Variants in SLC10A7 observed in about 807,000 individuals in gnomAD.
SLC10A7 encodes sodium/bile acid cotransporter 7.
SLC10A7 carries 29 observed loss-of-function variants against 43.2 expected under a neutral mutation model. That is an observed-to-expected ratio of 0.67 (90% CI 0.50 to 0.92). The LOEUF (loss-of-function observed/expected upper bound fraction) is 0.92. Among genes scored for constraint, SLC10A7 ranks in the 40% least tolerant of loss-of-function variants. The probability of loss-of-function intolerance (pLI) is 0.00; values close to 1 mark genes in which losing one functional copy is unlikely to be tolerated. For missense variants in SLC10A7, 295 were observed against 403.2 expected (o/e 0.73, Z 2.30); for synonymous variants, 152 against 144.8 (o/e 1.05, Z -0.35).
intron 4 of SLC10A7, among the ~76,000 whole-genome samples, chr4:146,488,435 T>A (rs902202023): frequency 3.9e-5 from 6 of 152,160 alleles, no homozygotes; most frequent in Non-Finnish European, 8.8e-5. Context: ...AATGTGCAAA[T>A]CATTTTTCCC....
chr4:146,518,906 T>C (rs1019693890), intron 1 of SLC10A7, among the ~76,000 whole-genome samples: 35 of 151,194 alleles, frequency 2.3e-4, no homozygotes, highest in African/African-American at 8.3e-4. Flanking sequence ...ATTTCTGTTG[T>C]ACTGAGCCAC....
At chr4:146,452,547 A>C (rs1040753368) in intron 4 of SLC10A7, among the ~76,000 whole-genome samples, 3 of 152,120 alleles carry the variant, frequency 2.0e-5, no homozygotes, top group African/African-American at 7.2e-5. Flanking sequence ...CTTCTTTCAA[A>C]GCCAATTATG....
chr4:146,482,000 T>C lies in SLC10A7; in HGVS notation c.396+21849A>G, dbSNP rs1398715353. Among the ~76,000 whole-genome samples, 8 of 152,320 alleles carry C rather than the reference T, an allele frequency of 5.3e-5. No homozygotes were observed. In the East Asian group the frequency reaches 1.2e-3, roughly 22 times the overall value. On this transcript the variant is annotated intron_variant, in intron 4 of 11. Transcript: ENST00000335472. Reference sequence around the variant, plus strand: ...CCACAGAGGCACCCACAGTCATTACTAATACTGATCACAACTAAAGAAGCT... The same window carrying C: ...CCACAGAGGCACCCACAGTCATTACCAATACTGATCACAACTAAAGAAGCT...
At chr4:146,333,809 G>A (rs571453795) in intron 5 of SLC10A7, among the ~76,000 whole-genome samples, 1 of 151,980 alleles carries the variant, frequency 6.6e-6, no homozygotes, top group South Asian at 2.1e-4. Flanking sequence ...AGTGCTCTCT[G>A]TGGTTAGGTA....
intron 4 of SLC10A7, among the ~76,000 whole-genome samples, chr4:146,468,541 C>T (rs974753379): frequency 6.7e-6 from 1 of 150,132 alleles, no homozygotes; most frequent in Non-Finnish European, 1.5e-5. Flanking sequence ...ACAATCTCAG[C>T]TCACTGCAAC....
intron 6 of SLC10A7, among the ~76,000 whole-genome samples, chr4:146,311,053 G>A (rs1731944583): frequency 6.6e-6 from 1 of 152,026 alleles, no homozygotes; most frequent in Admixed American, 6.6e-5. Context: ...CCCAAGGATG[G>A]TACATAACTA....
At chr4:146,513,093 T>C (rs151210597) in intron 2 of SLC10A7, among the ~76,000 whole-genome samples, 6 of 152,212 alleles carry the variant, frequency 3.9e-5, no homozygotes, top group African/African-American at 9.6e-5. Flanking sequence ...CAGAAATTGT[T>C]AACATTGTTT....
rs776153195 is a variant in SLC10A7, at chr4:146,289,706, G to GTT, written c.773+3221_773+3222dup. On this transcript the variant is annotated intron_variant, in intron 9 of 11. Transcript: ENST00000335472. Reference sequence around the variant, plus strand: ...GCTAATGCCCCATCTCTGATTATTAGTTTTTTTTTTTTTTTTTTTTTTTTT... The same window carrying GTT: ...GCTAATGCCCCATCTCTGATTATTAGTTTTTTTTTTTTTTTTTTTTTTTTTTT... Among the ~76,000 whole-genome samples, 623 of 88,096 alleles carry GTT rather than the reference G, an allele frequency of 7.1e-3. 81 individuals carry two copies. The highest frequency in any genetic ancestry group is 0.013 in the African/African-American group (286 of 21,490). 57.8% of individuals were successfully genotyped at this position (88,096 alleles called of 152,430 possible).
At chr4:146,269,792 G>C (rs1728784799) in intron 10 of SLC10A7, among the ~76,000 whole-genome samples, 1 of 152,180 alleles carries the variant, frequency 6.6e-6, no homozygotes, top group African/African-American at 2.4e-5. Context: ...CCACAACCTA[G>C]ATGTAGTTTT....
At chr4:146,325,481 G>T (rs1382958378) in intron 6 of SLC10A7, among the ~76,000 whole-genome samples, 1 of 152,106 alleles carries the variant, frequency 6.6e-6, no homozygotes, top group Non-Finnish European at 1.5e-5. Flanking sequence ...TAGAATGGAG[G>T]AGGTGTTACT....
At position 146,306,028 on chromosome 4, in the gene SLC10A7, G is replaced by A. The variant is rs1328968492; in HGVS notation, c.472-19C>T. The A allele has an allele frequency of 2.5e-6, 4 of 1,576,228 alleles. No homozygotes were observed. The Admixed American group carries it at 7.4e-5, about 29-fold the overall frequency. ...AACCAAGCTGTAAAACAAGAAAATAGGAGTTAGAATTACTTCAAATCAGTT... is the reference window on the plus strand; with the variant it reads ...AACCAAGCTGTAAAACAAGAAAATAAGAGTTAGAATTACTTCAAATCAGTT... On this transcript the variant is annotated intron_variant, in intron 6 of 11. Transcript: ENST00000335472.
chr4:146,348,993 T>C (rs1410156458), intron 5 of SLC10A7, among the ~76,000 whole-genome samples: 2 of 152,164 alleles, frequency 1.3e-5, no homozygotes, highest in African/African-American at 2.4e-5. Flanking sequence ...CCTTATTTCT[T>C]AGATTTAAAA....
At chr4:146,317,650 T>C (rs1468724264) in intron 6 of SLC10A7, among the ~76,000 whole-genome samples, 1 of 151,968 alleles carries the variant, frequency 6.6e-6, no homozygotes, top group Non-Finnish European at 1.5e-5. Context: ...TCCAATCCAC[T>C]GAGGGCCTGT....
intron 5 of SLC10A7, among the ~76,000 whole-genome samples, chr4:146,375,432 GCC>G (rs1392651686): frequency 6.6e-6 from 1 of 151,856 alleles, no homozygotes; most frequent in African/African-American, 2.4e-5. Context: ...CTCCCTCATG[GCC>G]CTCAAGTTAC....
At position 146,322,557 on chromosome 4, in the gene SLC10A7, T is replaced by C. The variant is rs536624532; in HGVS notation, c.471+3404A>G. On this transcript the variant is annotated intron_variant, in intron 6 of 11. Coordinates refer to ENST00000335472, the MANE Select transcript of SLC10A7 (RefSeq NM_001029998.6). ...CCCTACAAAGGACATGAATTCATCATTTTTTATGGCTGCATAGTATTCCAT... is the reference window on the plus strand; with the variant it reads ...CCCTACAAAGGACATGAATTCATCACTTTTTATGGCTGCATAGTATTCCAT... 4.6e-5 allele frequency among the ~76,000 whole-genome samples: 7 copies of C among 151,978 alleles called. 1 individual carries two copies. The South Asian group carries it at 1.5e-3, about 32-fold the overall frequency.
intron 5 of SLC10A7, among the ~76,000 whole-genome samples, chr4:146,417,183 T>A (rs535186705): frequency 2.9e-4 from 44 of 152,360 alleles, no homozygotes; most frequent in Non-Finnish European, 1.2e-4. Flanking sequence ...AAGTTATTTG[T>A]TGAATAAACG....
At chr4:146,410,282 A>T (rs1007370428) in intron 5 of SLC10A7, among the ~76,000 whole-genome samples, 1 of 152,176 alleles carries the variant, frequency 6.6e-6, no homozygotes, top group Non-Finnish European at 1.5e-5. Context: ...ATTAAAGACA[A>T]TATATCTCAA....
intron 5 of SLC10A7, among the ~76,000 whole-genome samples, chr4:146,424,255 T>C (rs1376885670): frequency 1.3e-5 from 2 of 152,192 alleles, no homozygotes; most frequent in African/African-American, 4.8e-5. Flanking sequence ...TCTTGCTGTG[T>C]TGCCCAAGCT....
At position 146,334,521 on chromosome 4, in the gene SLC10A7, T is replaced by C. The variant is rs893518764; in HGVS notation, c.436-8525A>G. Reference sequence around the variant, plus strand: ...CAGCAATGTAAGAAGAATGAAAGTGTGGTAAATGGAGTTCGTTGTTTTTGG... The same window carrying C: ...CAGCAATGTAAGAAGAATGAAAGTGCGGTAAATGGAGTTCGTTGTTTTTGG... On this transcript the variant is annotated intron_variant, in intron 5 of 11. Coordinates refer to ENST00000335472, the MANE Select transcript of SLC10A7 (RefSeq NM_001029998.6). Among the ~76,000 whole-genome samples the C allele has an allele frequency of 8.5e-5, 13 of 152,118 alleles. No homozygotes were observed. The South Asian group carries it at 2.7e-3, about 32-fold the overall frequency.
Sources: allele counts gnomAD v4.1 joint callset (sites outside exome capture counted in the v4.1 genomes callset), GRCh38; gene constraint gnomAD v4.1.1; transcripts MANE v1.5; gene names NCBI Gene and HGNC (gene_info 2026-07-23, HGNC 2026-07-21).